CTNND2: variants seen among roughly 807,000 people sequenced by gnomAD.
The protein encoded by CTNND2 is catenin delta-2.
In CTNND2, 22 loss-of-function variants were observed where a neutral mutation model predicts 144.4. The observed-to-expected ratio is 0.15, with a 90% CI of 0.11 to 0.22. The LOEUF (loss-of-function observed/expected upper bound fraction) is 0.22, where lower values mean the gene tolerates loss of function less well. CTNND2 is among the 10% of genes least tolerant of loss of function. The probability of loss-of-function intolerance (pLI) is 1.00; values close to 1 mark genes in which losing one functional copy is unlikely to be tolerated. For missense variants in CTNND2, 1,353 were observed against 1,618.8 expected, an observed-to-expected ratio of 0.84 and a Z score of 2.82; for synonymous variants, 751 against 695.6, an observed-to-expected ratio of 1.08 and a Z score of -1.25.
At chr5:11,625,984 C>T (rs1270748817) in intron 2 of CTNND2, among the ~76,000 whole-genome samples, 1 of 152,094 alleles carries the variant, frequency 6.6e-6, no homozygotes, top group East Asian at 1.9e-4. Context: ...ATATTCATTT[C>T]ACTCCAAATA....
intron 18 of CTNND2, among the ~76,000 whole-genome samples, chr5:11,000,854 G>A (rs79870290): frequency 0.13 from 19,029 of 152,108 alleles, 1,243 homozygotes; most frequent in Non-Finnish European, 0.15. Context: ...AGGTTATTCC[G>A]GGTAGGGCCT....
At chr5:11,315,350 T>A (rs1290756107) in intron 9 of CTNND2, among the ~76,000 whole-genome samples, 2 of 151,834 alleles carry the variant, frequency 1.3e-5, no homozygotes, top group Admixed American at 6.6e-5. Flanking sequence ...ATACTCCACA[T>A]CTGAACAATA....
intron 1 of CTNND2, among the ~76,000 whole-genome samples, chr5:11,744,506 C>G (rs550176162): frequency 6.6e-6 from 1 of 151,918 alleles, no homozygotes; most frequent in African/African-American, 2.4e-5. Context: ...AGGGTTAGAG[C>G]AGAGAGGAAA....
At chr5:11,055,171 A>G (rs1746223292) in intron 16 of CTNND2, among the ~76,000 whole-genome samples, 1 of 152,220 alleles carries the variant, frequency 6.6e-6, no homozygotes, top group Admixed American at 6.5e-5. Context: ...AGGGTTAAGG[A>G]CGTAGGTACT....
chr5:11,001,040 T>A (rs887100687), intron 18 of CTNND2, among the ~76,000 whole-genome samples: 20 of 152,182 alleles, frequency 1.3e-4, no homozygotes, highest in African/African-American at 4.3e-4. Flanking sequence ...CAAGGTTGAC[T>A]TCTATAGTAA....
At chr5:11,575,955 A>G (rs936276921) in intron 2 of CTNND2, among the ~76,000 whole-genome samples, 2 of 152,162 alleles carry the variant, frequency 1.3e-5, no homozygotes, top group Non-Finnish European at 2.9e-5. Context: ...CAAGAGGTTC[A>G]CATCCAAAAC....
At chr5:11,592,108 C>T (rs1482874810) in intron 2 of CTNND2, among the ~76,000 whole-genome samples, 4 of 150,982 alleles carry the variant, frequency 2.6e-5, no homozygotes, top group Non-Finnish European at 4.4e-5. Context: ...AGGAACCTAT[C>T]TACCTTCCTT....
intron 2 of CTNND2, among the ~76,000 whole-genome samples, chr5:11,685,185 T>C (rs763712864): frequency 6.6e-6 from 1 of 152,308 alleles, no homozygotes; most frequent in East Asian, 1.9e-4. Context: ...TCTTTGTCCA[T>C]ACCTAGAGTT....
At chr5:11,377,454 A>G (rs1758051181) in intron 7 of CTNND2, among the ~76,000 whole-genome samples, 2 of 152,178 alleles carry the variant, frequency 1.3e-5, no homozygotes, top group Non-Finnish European at 2.9e-5. Flanking sequence ...GAGTGGGCAG[A>G]GGATGCCATC....
At chr5:11,490,161 T>A (rs1769257816) in intron 3 of CTNND2, among the ~76,000 whole-genome samples, 1 of 152,236 alleles carries the variant, frequency 6.6e-6, no homozygotes, top group South Asian at 2.1e-4. Flanking sequence ...GCAACCACAT[T>A]TTTAAGAACT....
At chr5:11,849,809 GA>G (rs1794929678) in intron 1 of CTNND2, among the ~76,000 whole-genome samples, 1 of 152,276 alleles carries the variant, frequency 6.6e-6, no homozygotes, top group East Asian at 1.9e-4. Flanking sequence ...GAGAAACAGA[GA>G]AAAGAAAATA....
chr5:11,323,240 G>GC (rs1032860354), intron 9 of CTNND2, among the ~76,000 whole-genome samples: 2 of 143,634 alleles, frequency 1.4e-5, no homozygotes, highest in Non-Finnish European at 3.1e-5. Flanking sequence ...TTGGGGGGGG[G>GC]GGTCTCACTA....
At chr5:11,118,840 G>T (rs1183791573) in intron 12 of CTNND2, among the ~76,000 whole-genome samples, 1 of 152,174 alleles carries the variant, frequency 6.6e-6, no homozygotes. Flanking sequence ...CCGAGCCTCA[G>T]AGGTTGTCCA....
chr5:11,208,710 T>C (rs528218988), intron 10 of CTNND2, among the ~76,000 whole-genome samples: 1 of 152,092 alleles, frequency 6.6e-6, no homozygotes, highest in African/African-American at 2.4e-5. Flanking sequence ...GATCTACAAA[T>C]GGATATTTAT....
chr5:11,045,907 C>T (rs1745196146), intron 16 of CTNND2, among the ~76,000 whole-genome samples: 1 of 152,142 alleles, frequency 6.6e-6, no homozygotes, highest in Admixed American at 6.6e-5. Flanking sequence ...CTCTTCCTGT[C>T]TTCCACTGAT....
Position 11,285,761 on chromosome 5 carries a change from A to G in CTNND2, c.1629-48938T>C, listed in dbSNP as rs1338208808. On this transcript the variant is annotated intron_variant, in intron 9 of 21. Coordinates refer to ENST00000304623, the MANE Select transcript of CTNND2 (RefSeq NM_001332.4). ...TCAACCAGAATCCTCTTTAGCTCCT[A>G]TAAGCCCAGGAGGCCTTTCCTGCTA... 4.6e-5 allele frequency among the ~76,000 whole-genome samples: 7 copies of G among 152,306 alleles called. No homozygotes were observed. The East Asian group carries it at 1.3e-3, about 29-fold the overall frequency.
At chr5:11,483,202 CA>C (rs930120677) in intron 3 of CTNND2, among the ~76,000 whole-genome samples, 1 of 152,138 alleles carries the variant, frequency 6.6e-6, no homozygotes, top group African/African-American at 2.4e-5. Context: ...GAATTGAATA[CA>C]CATGTGATAA....
At chr5:11,279,139 T>C (rs1309612428) in intron 9 of CTNND2, among the ~76,000 whole-genome samples, 1 of 152,186 alleles carries the variant, frequency 6.6e-6, no homozygotes, top group East Asian at 1.9e-4. Flanking sequence ...TGAGAATACA[T>C]GATTGCTCGG....
intron 14 of CTNND2, among the ~76,000 whole-genome samples, chr5:11,106,537 T>TG (rs1018238129): frequency 6.6e-6 from 1 of 152,174 alleles, no homozygotes; most frequent in Non-Finnish European, 1.5e-5. Context: ...GGCTGTCACC[T>TG]GGGGGCAGGT....
Sources: gnomAD v4.1 joint callset for allele counts (sites outside exome capture counted in the v4.1 genomes callset) on GRCh38, gnomAD v4.1.1 for gene constraint, MANE v1.5 for transcripts, NCBI Gene and HGNC (gene_info 2026-07-23, HGNC 2026-07-21) for gene names.